ADAMTSL1: variants seen among roughly 807,000 people sequenced by gnomAD.
The protein encoded by ADAMTSL1 is ADAMTS like 1.
ADAMTSL1 carries 126 observed loss-of-function variants against 201.8 expected under a neutral mutation model. The observed-to-expected ratio is 0.62, with a 90% confidence interval of 0.54 to 0.72. The LOEUF is 0.72. ADAMTSL1 is among the 30% of genes least tolerant of loss of function. ADAMTSL1 has a pLI of 0.00. For synonymous variants in ADAMTSL1, 1,121 were observed against 903.4 expected (o/e 1.24, Z -4.32); for missense variants, 2,679 against 2,277.8 (o/e 1.18, Z -3.59).
chr9:18,748,020 C>A lies in ADAMTSL1; in HGVS notation c.2007-5278C>A, dbSNP rs750736867. ...GGAGACCCTATGTCTCCTGCCTGCCCCTGGTCAGAAGTCAGTTGTTCAGGT... is the reference window on the plus strand; with the variant it reads ...GGAGACCCTATGTCTCCTGCCTGCCACTGGTCAGAAGTCAGTTGTTCAGGT... On this transcript the variant is annotated intron_variant, in intron 15 of 28. Coordinates refer to ENST00000380548, the MANE Select transcript of ADAMTSL1 (RefSeq NM_001040272.6). Among the ~76,000 whole-genome samples the A allele has an allele frequency of 1.1e-4, 16 of 152,204 alleles. 1 individual carries two copies. The highest frequency in any genetic ancestry group is 2.2e-4 in the Non-Finnish European group (15 of 68,042).
chr9:18,440,433 G>C (rs1819946493), intron 2 of ADAMTSL1, among the ~76,000 whole-genome samples: 1 of 151,540 alleles, frequency 6.6e-6, no homozygotes, highest in Admixed American at 6.6e-5. Context: ...TGACAGGGGA[G>C]ATAAGGACCC....
intron 2 of ADAMTSL1, among the ~76,000 whole-genome samples, chr9:18,273,373 G>A (rs1043462812): frequency 8.5e-5 from 13 of 152,166 alleles, no homozygotes; most frequent in Non-Finnish European, 1.6e-4. Flanking sequence ...GAGTCATCAC[G>A]CCCGGCCACC....
Position 18,775,327 on chromosome 9 carries a change from A to G in ADAMTSL1, c.2398-416A>G, listed in dbSNP as rs115027641. The stretch of plus-strand genomic sequence containing the variant: ...CTTGTGAAGGAAGGAAAAAGGAATT[A>G]GCAATAATTGTCATTTCTATGTATG... On this transcript the variant is annotated intron_variant, in intron 17 of 28. Coordinates refer to ENST00000380548, the MANE Select transcript of ADAMTSL1 (RefSeq NM_001040272.6). Among the ~76,000 whole-genome samples the G allele has an allele frequency of 9.9e-3, 1,502 of 152,358 alleles. 29 individuals carry two copies. Among genetic ancestry groups the G allele is most frequent in the African/African-American group, 0.034 (1,410 of 41,578 alleles).
At chr9:18,802,025 C>T (rs1269198561) in intron 20 of ADAMTSL1, among the ~76,000 whole-genome samples, 2 of 152,068 alleles carry the variant, frequency 1.3e-5, no homozygotes, top group Non-Finnish European at 2.9e-5. Context: ...GCCTGTAATC[C>T]CAGCACTTTG....
chr9:17,936,509 A>G (rs1449749989), intron 1 of ADAMTSL1, among the ~76,000 whole-genome samples: 1 of 152,122 alleles, frequency 6.6e-6, no homozygotes, highest in Non-Finnish European at 1.5e-5. Flanking sequence ...CCTTCCGTAA[A>G]GGCAGGAGGT....
intron 1 of ADAMTSL1, among the ~76,000 whole-genome samples, chr9:18,052,611 G>A (rs1821988001): frequency 6.6e-6 from 1 of 152,208 alleles, no homozygotes; most frequent in Admixed American, 6.5e-5. Flanking sequence ...GTTGAAATGT[G>A]AGGCCAATAG....
At chr9:18,270,998 G>C (rs969138767) in intron 2 of ADAMTSL1, among the ~76,000 whole-genome samples, 2 of 152,106 alleles carry the variant, frequency 1.3e-5, no homozygotes, top group Admixed American at 1.3e-4. Context: ...CATGCTGGTG[G>C]GTGGTTGGAA....
chr9:18,202,889 T>C (rs1233194136), intron 2 of ADAMTSL1, among the ~76,000 whole-genome samples: 1 of 152,052 alleles, frequency 6.6e-6, no homozygotes, highest in Non-Finnish European at 1.5e-5. Context: ...CCTCAAGAGC[T>C]CTTTCCAGAG....
chr9:18,346,912 A>ATTC (rs1835749075), intron 2 of ADAMTSL1, among the ~76,000 whole-genome samples: 1 of 152,142 alleles, frequency 6.6e-6, no homozygotes, highest in African/African-American at 2.4e-5. Flanking sequence ...GCCCCAGCAC[A>ATTC]TTCTCCTCCT....
At chr9:18,573,333 A>G (rs556364307) in intron 3 of ADAMTSL1, 1 of 154,922 alleles carries the variant, frequency 6.5e-6, no homozygotes, top group African/African-American at 2.4e-5. Flanking sequence ...CTGTTCTAAC[A>G]CAAGACTAGG....
intron 2 of ADAMTSL1, among the ~76,000 whole-genome samples, chr9:18,343,473 T>G (rs760879332): frequency 1.2e-4 from 19 of 152,138 alleles, no homozygotes; most frequent in Non-Finnish European, 2.6e-4. Flanking sequence ...CAGTTTGGCT[T>G]AAAATCAACC....
intron 14 of ADAMTSL1, among the ~76,000 whole-genome samples, chr9:18,711,639 T>A (rs1335203911): frequency 6.6e-6 from 1 of 152,122 alleles, no homozygotes; most frequent in Non-Finnish European, 1.5e-5. Context: ...CAATCTGAGA[T>A]CAAACTGCAA....
chr9:18,689,074 C>A (rs1281765574), intron 13 of ADAMTSL1, among the ~76,000 whole-genome samples: 2 of 151,986 alleles, frequency 1.3e-5, no homozygotes, highest in East Asian at 3.9e-4. Context: ...ATAGGAATAG[C>A]TTTCTAGGTC....
intron 2 of ADAMTSL1, among the ~76,000 whole-genome samples, chr9:18,432,312 C>G (rs2133409848): frequency 6.6e-6 from 1 of 152,320 alleles, no homozygotes; most frequent in African/African-American, 2.4e-5. Context: ...GAGAGCCCAG[C>G]ACATAAGAAG....
At chr9:18,740,651 A>G (rs981621283) in intron 15 of ADAMTSL1, among the ~76,000 whole-genome samples, 1 of 151,412 alleles carries the variant, frequency 6.6e-6, no homozygotes, top group African/African-American at 2.4e-5. Flanking sequence ...TCATTTTTGT[A>G]TTTTTAATAG....
chr9:18,073,278 G>A (rs1254626541), intron 1 of ADAMTSL1, among the ~76,000 whole-genome samples: 2 of 152,188 alleles, frequency 1.3e-5, no homozygotes, highest in Non-Finnish European at 2.9e-5. Context: ...GGAGAAGGCT[G>A]TGTGGAGCTG....
intron 2 of ADAMTSL1, among the ~76,000 whole-genome samples, chr9:18,187,594 AGC>A (rs1828794915): frequency 1.3e-5 from 2 of 152,164 alleles, no homozygotes; most frequent in Admixed American, 6.5e-5. Flanking sequence ...TAAAAAAGGA[AGC>A]CAGATTATTT....
chr9:18,030,805 C>G (rs1186360440), intron 1 of ADAMTSL1, among the ~76,000 whole-genome samples: 2 of 152,080 alleles, frequency 1.3e-5, no homozygotes, highest in East Asian at 1.9e-4. Context: ...GCCAATGAAT[C>G]ATAGGTTTGA....
intron 4 of ADAMTSL1, among the ~76,000 whole-genome samples, chr9:18,619,135 G>T (rs1218262778): frequency 6.6e-6 from 1 of 151,978 alleles, no homozygotes; most frequent in Non-Finnish European, 1.5e-5. Context: ...TGTGCACAGA[G>T]GGCCAATTAA....
Sources: allele counts gnomAD v4.1 joint callset (sites outside exome capture counted in the v4.1 genomes callset), GRCh38; gene constraint gnomAD v4.1.1; transcripts MANE v1.5; gene names NCBI Gene and HGNC (gene_info 2026-07-23, HGNC 2026-07-21).